The following NYNRIN variants were observed in gnomAD, a reference collection of about 807,000 sequenced individuals.
The protein encoded by NYNRIN is NYN domain and retroviral integrase containing, also known as protein NYNRIN.
Under a neutral mutation model 146.6 loss-of-function variants are expected in NYNRIN, and 86 were observed. The observed-to-expected ratio is 0.59, with a 90% CI of 0.49 to 0.70. The LOEUF (loss-of-function observed/expected upper bound fraction) is 0.70. NYNRIN is among the 30% of genes least tolerant of loss of function. NYNRIN has a pLI of 0.00. For synonymous variants in NYNRIN, 1,027 were observed against 1,001.3 expected, an observed-to-expected ratio of 1.03 and a Z score of -0.48; for missense variants, 2,191 against 2,377.7, an observed-to-expected ratio of 0.92 and a Z score of 1.63.
At chr14:24,408,572 C>T (rs2042890621) in intron 3 of NYNRIN, 45 bp downstream of exon 3, 1 of 1,532,402 alleles carries the variant, frequency 6.5e-7, no homozygotes, top group Non-Finnish European at 8.8e-7. Context: ...CCTACCCCTG[C>T]TCCCCTACCC....
chr14:24,414,876 A>G lies in NYNRIN; in HGVS notation c.3127A>G (p.Ser1043Gly). 1 of 1,610,070 alleles carries G rather than the reference A, an allele frequency of 6.2e-7. No homozygotes were observed. Among genetic ancestry groups the G allele is most frequent in the Non-Finnish European group, 8.5e-7 (1 of 1,176,938 alleles). ...SLSEEILRCL[S>G]LHDPPDGALD... Reference sequence around the variant, plus strand: ...TTCGGAGGAGATCCTGCGGTGCCTCAGCCTCCATGATCCCCCTGATGGGGC... The same window carrying G: ...TTCGGAGGAGATCCTGCGGTGCCTCGGCCTCCATGATCCCCCTGATGGGGC... Residue 1043 changes from serine to glycine, a missense_variant, in exon 9 of 9, where the codon AGC becomes GGC. Physicochemically the swap from Ser to Gly is moderately conservative, Grantham distance 56 (BLOSUM62 0). Transcript: ENST00000382554.
Position 24,399,309 on chromosome 14 carries a change from G to A in NYNRIN, c.63G>A (p.Lys21=), listed in dbSNP as rs2042825131. 3.7e-6 allele frequency: 6 copies of A among 1,613,866 alleles called. No individual in the cohort carries two copies. The highest frequency in any genetic ancestry group is 5.1e-6 in the Non-Finnish European group (6 of 1,179,896). The part of the protein sequence containing the change: ...QEWFMVQTKS[K]PRVQRQRLQV... ...GGTTCATGGTGCAGACAAAATCGAA[G>A]CCTCGGGTGCAGCGGCAGCGGCTGC... Residue 21 remains lysine (K), a synonymous_variant, in exon 2 of 9, where the codon AAG becomes AAA. Transcript: ENST00000382554.
intron 4 of NYNRIN, 99 bp from the exon 5 acceptor site, chr14:24,410,977 T>G: frequency 7.1e-7 from 1 of 1,418,066 alleles, no homozygotes; most frequent in Non-Finnish European, 9.8e-7. Flanking sequence ...AGGGCATCAT[T>G]GGTGTCCTTG....
Position 24,408,016 on chromosome 14 carries a change from G to A in NYNRIN, c.346G>A (p.Gly116Ser). 1 of 1,614,026 alleles carries A rather than the reference G, an allele frequency of 6.2e-7. No individual in the cohort carries two copies. Among genetic ancestry groups the A allele is most frequent in the South Asian group, 1.1e-5 (1 of 91,090 alleles). Residue 116 changes from glycine (G) to serine (S), a missense_variant, in exon 3 of 9, where the codon GGC (glycine) becomes AGC (serine). This residue lies in a region of NYNRIN where 895 missense variants were observed against 941.2 expected (regional missense o/e 0.95). Coordinates refer to ENST00000382554, the MANE Select transcript of NYNRIN (RefSeq NM_025081.3). Reference protein sequence around the residue: ...TLAYLVPGPPGSLMVGGLTES... With the variant: ...TLAYLVPGPPSSLMVGGLTES... ...TGCCTACCTGGTGCCTGGCCCCCCTGGCTCCCTGATGGTGGGCGGGCTGAC... is the reference window on the plus strand; with the variant it reads ...TGCCTACCTGGTGCCTGGCCCCCCTAGCTCCCTGATGGTGGGCGGGCTGAC...
rs1266789041 is a variant in NYNRIN, at chr14:24,414,683, T to G, written c.2934T>G (p.Ala978=). The G allele has an allele frequency of 4.3e-6, 7 of 1,613,662 alleles. No homozygotes were observed. Among genetic ancestry groups the G allele is most frequent in the East Asian group, 2.2e-5 (1 of 44,858 alleles). The part of the protein sequence containing the change: ...SASVTELSDD[A]DSGPLESLPN... The stretch of plus-strand genomic sequence containing the variant: ...GTGTCACTGAGCTGAGTGATGACGC[T>G]GACTCTGGGCCCCTGGAGAGTCTGC... Residue 978 remains alanine, a synonymous_variant, in exon 9 of 9, where the codon GCT becomes GCG. Transcript: ENST00000382554.
At chr14:24,402,437 G>C (rs920405450) in intron 2 of NYNRIN, among the ~76,000 whole-genome samples, 2 of 152,166 alleles carry the variant, frequency 1.3e-5, no homozygotes, top group African/African-American at 4.8e-5. Flanking sequence ...AAAGGCAGTG[G>C]TGGTGGGCAA....
intron 6 of NYNRIN, among the ~76,000 whole-genome samples, chr14:24,412,093 ACT>A (rs2139350475): frequency 6.6e-6 from 1 of 152,024 alleles, no homozygotes; most frequent in African/African-American, 2.4e-5. Flanking sequence ...CACATAGGCA[ACT>A]CTCATGCCAG....
At chr14:24,406,043 T>TC (rs1348554280) in intron 2 of NYNRIN, among the ~76,000 whole-genome samples, 1 of 151,432 alleles carries the variant, frequency 6.6e-6, no homozygotes, top group Non-Finnish European at 1.5e-5. Flanking sequence ...ACATCTGTAA[T>TC]CCCAGCTACT....
chr14:24,403,624 A>T (rs2042858437), intron 2 of NYNRIN, among the ~76,000 whole-genome samples: 1 of 152,198 alleles, frequency 6.6e-6, no homozygotes, highest in African/African-American at 2.4e-5. Flanking sequence ...GTCCTGTGTA[A>T]TGACCATTGT....
Position 24,408,729 on chromosome 14 carries a change from C to G in NYNRIN, c.935C>G (p.Ser312Cys). 1 of 1,613,942 alleles carries G rather than the reference C, an allele frequency of 6.2e-7. No homozygotes were observed. The highest frequency in any genetic ancestry group is 8.5e-7 in the Non-Finnish European group (1 of 1,179,858). ...GTVQATSSQD[S>C]TNHTQALLKQ... Reference sequence around the variant, plus strand: ...GTGCAAGCCACCAGCAGCCAGGACTCCACGAACCACACACAAGCCTTGTTG... The same window carrying G: ...GTGCAAGCCACCAGCAGCCAGGACTGCACGAACCACACACAAGCCTTGTTG... Residue 312 changes from serine (S) to cysteine (C), a missense_variant, in exon 4 of 9, where the codon TCC becomes TGC. Physicochemically the swap from Ser to Cys is moderately radical, Grantham distance 112. Transcript: ENST00000382554.
At chr14:24,404,622 A>C (rs889909290) in intron 2 of NYNRIN, among the ~76,000 whole-genome samples, 1 of 152,166 alleles carries the variant, frequency 6.6e-6, no homozygotes, top group Non-Finnish European at 1.5e-5. Context: ...TTGGGAGTGG[A>C]GGCTGTGGGC....
intron 2 of NYNRIN, among the ~76,000 whole-genome samples, chr14:24,403,100 A>G (rs771698483): frequency 6.6e-6 from 1 of 152,296 alleles, no homozygotes; most frequent in East Asian, 1.9e-4. Flanking sequence ...TTCTGTTTCA[A>G]TTACCTGCTA....
chr14:24,411,330 C>T lies in NYNRIN; in HGVS notation c.2546-24C>T, dbSNP rs200939923. 646 of 1,613,648 alleles carry T rather than the reference C, an allele frequency of 4.0e-4. 1 individual carries two copies. Among genetic ancestry groups the T allele is most frequent in the Non-Finnish European group, 5.3e-4 (631 of 1,179,558 alleles). On this transcript the variant is annotated intron_variant, in intron 5 of 8. Transcript: ENST00000382554. This position sits in a 1 kb window ranked among gnomAD's most constrained non-coding sequence, Gnocchi z 4.3. The stretch of plus-strand genomic sequence containing the variant: ...CCACTTAGCCCTCCCTTGACCATTT[C>T]TGTCTTCTGCCTTTCACCCCCAGAG...
In NYNRIN at chr14:24,399,294, G is replaced by T; in HGVS notation, c.48G>T (p.Val16=). 6.2e-7 allele frequency: 1 copy of T among 1,613,998 alleles called. No homozygotes were observed. Among genetic ancestry groups the T allele is most frequent in the Non-Finnish European group, 8.5e-7 (1 of 1,179,886 alleles). The change falls in exon 2 of 9, where the codon GTG becomes GTT. Residue 16 remains valine, a synonymous_variant. Transcript: ENST00000382554. ...CTCCGGCGCAGGAATGGTTCATGGT[G>T]CAGACAAAATCGAAGCCTCGGGTGC... is the stretch of plus-strand genomic sequence containing the variant. The part of the protein sequence containing the change: ...GDPPAQEWFM[V]QTKSKPRVQR...
rs201382639 is a variant in NYNRIN at position 24,410,064 on chromosome 14, G to A, written c.2270G>A (p.Arg757His). 2.4e-4 allele frequency: 382 copies of A among 1,613,916 alleles called. No homozygotes were observed. Among genetic ancestry groups the A allele is most frequent in the African/African-American group, 1.5e-3 (114 of 75,052 alleles). ...AWEGAPRQPP[R>H]HLQANSTVTS... ...GAGGGGGCCCCAAGGCAGCCACCTC[G>A]CCACCTGCAAGCGAACAGCACAGTG... The change falls in exon 4 of 9, where the codon CGC (arginine) becomes CAC (histidine). Residue 757 changes from arginine (R) to histidine (H), a missense_variant. This residue lies in a region of NYNRIN where 895 missense variants were observed against 941.2 expected (regional missense o/e 0.95). Coordinates refer to ENST00000382554, the MANE Select transcript of NYNRIN (RefSeq NM_025081.3).
In NYNRIN at chr14:24,418,352, A is replaced by C; in HGVS notation, c.*906A>C. 2.2e-6 allele frequency: 1 copy of C among 451,092 alleles called. No homozygotes were observed. The highest frequency in any genetic ancestry group is 4.5e-6 in the Non-Finnish European group (1 of 224,186). 27.9% of individuals were successfully genotyped at this position (451,092 alleles called of 1,614,324 possible). A position where few individuals can be genotyped will look rare whatever the true frequency, so the allele number is the denominator to read the frequency against. On this transcript the variant is annotated 3_prime_UTR_variant, in exon 9 of 9. Coordinates refer to ENST00000382554, the MANE Select transcript of NYNRIN (RefSeq NM_025081.3). ...GAGTGGCACACGGTGAAGTGCTGGC[A>C]TGGCTCTACCTCCCAACCCCTCCCA...
chr14:24,413,074 C>A lies in NYNRIN; in HGVS notation c.2720C>A (p.Ser907Tyr). The A allele has an allele frequency of 6.3e-7, 1 of 1,594,686 alleles. No individual in the cohort carries two copies. Among genetic ancestry groups the A allele is most frequent in the South Asian group, 1.1e-5 (1 of 87,398 alleles). ...NEQIHILMNSSKKLMVKDRLL... is the reference protein window; with the variant it reads ...NEQIHILMNSYKKLMVKDRLL... ...CAGATTCACATCCTGATGAATAGTT[C>A]CAAGAAACTGATGGTCAAAGATCGG... The change falls in exon 7 of 9, where the codon TCC becomes TAC. Residue 907 changes from serine to tyrosine, a missense_variant. Transcript: ENST00000382554.
At chr14:24,410,356 A>T in intron 4 of NYNRIN, 148 bp downstream of exon 4, 1 of 661,558 alleles carries the variant, frequency 1.5e-6, no homozygotes, top group Non-Finnish European at 2.5e-6. Flanking sequence ...TCCATGTTGA[A>T]TGGCTCCTGC....
rs773192098 is a variant in NYNRIN, at chr14:24,411,477, C to T, written c.2642+27C>T. 3 of 1,600,444 alleles carry T rather than the reference C, an allele frequency of 1.9e-6. No individual in the cohort carries two copies. The highest frequency in any genetic ancestry group is 2.2e-5 in the South Asian group (2 of 90,786). On this transcript the variant is annotated intron_variant, in intron 6 of 8. Coordinates refer to ENST00000382554, the MANE Select transcript of NYNRIN (RefSeq NM_025081.3). The surrounding 1 kb of genome is among the most constrained non-coding windows in gnomAD (Gnocchi z 4.3). ...TGTGCCGGTCCCCAGGCCTGCCCTC[C>T]TGGGCTCAGGGAGTTGGGCCTGGCT...
Sources: allele counts gnomAD v4.1 joint callset (sites outside exome capture counted in the v4.1 genomes callset), GRCh38; gene constraint gnomAD v4.1.1; regional missense constraint gnomAD v4.1.1; non-coding constraint Gnocchi (gnomAD v3.1); transcripts MANE v1.5; gene names NCBI Gene and HGNC (gene_info 2026-07-23, HGNC 2026-07-21).